Variants in CFAP418 observed in about 807,000 individuals in gnomAD.
CFAP418 encodes cilia and flagella associated protein 418, also known as cilia- and flagella-associated protein 418.
Under a neutral mutation model 24.7 loss-of-function variants are expected in CFAP418, and 27 were observed. The ratio of observed to expected loss-of-function variants is 1.09; its 90% CI spans 0.81 to 1.51. The LOEUF (loss-of-function observed/expected upper bound fraction) is 1.51, where lower values mean the gene tolerates loss of function less well. Among genes scored for constraint, CFAP418 ranks in the 40% most tolerant of loss-of-function variants. The pLI is 0.00. For missense variants in CFAP418, 257 were observed against 255.2 expected (o/e 1.01, Z -0.05); for synonymous variants, 74 against 87.3 (o/e 0.85, Z 0.85).
intron 1 of CFAP418, chr8:95,268,776 G>GGGGCGGGGAA (rs1554559653): frequency 1.7e-5 from 4 of 229,138 alleles, no homozygotes; most frequent in Admixed American, 1.2e-4. Flanking sequence ...GGGGCGGGGC[G>GGGGCGGGGAA]GGGCGGGGCG....
chr8:95,263,870 C>T, intron 1 of CFAP418, 96 bp from the exon 2 acceptor site: 3 of 668,188 alleles, frequency 4.5e-6, no homozygotes, highest in Non-Finnish European at 7.9e-6. Flanking sequence ...ATTATTAGAG[C>T]TGATAATAGA....
At chr8:95,254,921 ACTTT>A in intron 4 of CFAP418, among the ~76,000 whole-genome samples, 1 of 152,184 alleles carries the variant, frequency 6.6e-6, no homozygotes. Flanking sequence ...ATTCTTAACA[ACTTT>A]CTTTCTTACC....
At position 95,249,139 on chromosome 8, in the gene CFAP418, A is replaced by G. The variant is rs188508230; in HGVS notation, c.471-1369T>C. 1.2e-3 allele frequency among the ~76,000 whole-genome samples: 187 copies of G among 152,374 alleles called. 2 individuals are homozygous for G. In the Middle Eastern group the frequency reaches 0.014, roughly 11 times the overall value. On this transcript the variant is annotated intron_variant, in intron 5 of 5. Coordinates refer to ENST00000286688, the MANE Select transcript of CFAP418 (RefSeq NM_177965.4). ...GATCTGCAAAATATTTTGAAAACTT[A>G]ACATTTGATACTTGACTGAATCCTT...
At chr8:95,250,839 T>C (rs925010498) in intron 5 of CFAP418, among the ~76,000 whole-genome samples, 1 of 152,208 alleles carries the variant, frequency 6.6e-6, no homozygotes, top group East Asian at 1.9e-4. Context: ...AAAGCTTTCA[T>C]AAGATTTGCA....
At chr8:95,261,146 A>G (rs775429289) in intron 2 of CFAP418, among the ~76,000 whole-genome samples, 27 of 152,232 alleles carry the variant, frequency 1.8e-4, no homozygotes, top group Non-Finnish European at 3.5e-4. Flanking sequence ...ACCAAACAAC[A>G]TAAACCAACC....
chr8:95,266,392 C>A (rs894565767), intron 1 of CFAP418, among the ~76,000 whole-genome samples: 2 of 152,096 alleles, frequency 1.3e-5, no homozygotes, highest in African/African-American at 4.8e-5. Context: ...CAACAAATTG[C>A]ATGTTTTGAC....
At chr8:95,264,521 G>A (rs778460835) in intron 1 of CFAP418, among the ~76,000 whole-genome samples, 3 of 152,246 alleles carry the variant, frequency 2.0e-5, no homozygotes, top group Admixed American at 6.5e-5. Context: ...ATCTGTTCAA[G>A]GTCATATAAG....
chr8:95,253,684 T>C (rs149872918), intron 4 of CFAP418, among the ~76,000 whole-genome samples: 1 of 152,248 alleles, frequency 6.6e-6, no homozygotes, highest in African/African-American at 2.4e-5. Flanking sequence ...TTTCAAACTG[T>C]TAGCAATTTA....
chr8:95,257,523 C>T (rs1811811548), intron 4 of CFAP418, among the ~76,000 whole-genome samples: 2 of 152,180 alleles, frequency 1.3e-5, no homozygotes, highest in African/African-American at 4.8e-5. Flanking sequence ...TTAACTCCCA[C>T]TTCTATTATT....
chr8:95,254,572 T>C (rs1442820559), intron 4 of CFAP418, among the ~76,000 whole-genome samples: 1 of 152,238 alleles, frequency 6.6e-6, no homozygotes, highest in East Asian at 1.9e-4. Flanking sequence ...AAGAGCTTTG[T>C]TCTTTTGTCC....
At chr8:95,267,543 T>A (rs1389674304) in intron 1 of CFAP418, among the ~76,000 whole-genome samples, 1 of 152,094 alleles carries the variant, frequency 6.6e-6, no homozygotes, top group Non-Finnish European at 1.5e-5. Flanking sequence ...TGAGCTGAGG[T>A]GGGCCACTGC....
intron 1 of CFAP418, among the ~76,000 whole-genome samples, chr8:95,268,649 A>C (rs1379512401): frequency 6.6e-6 from 1 of 151,884 alleles, no homozygotes; most frequent in Non-Finnish European, 1.5e-5. Context: ...CTCGGGGTTA[A>C]GAACGGGGCG....
chr8:95,253,266 C>T (rs1811736750), intron 4 of CFAP418, among the ~76,000 whole-genome samples: 1 of 151,270 alleles, frequency 6.6e-6, no homozygotes, highest in Non-Finnish European at 1.5e-5. Context: ...GGGGAGATCG[C>T]GCCACTGCAC....
At chr8:95,268,743 G>C (rs1404036007) in intron 1 of CFAP418, 8 of 203,050 alleles carry the variant, frequency 3.9e-5, no homozygotes, top group African/African-American at 4.9e-5. Flanking sequence ...CGCGGACTGC[G>C]GGCTCTGCGG....
At chr8:95,258,140 TG>T (rs1197206451) in intron 4 of CFAP418, among the ~76,000 whole-genome samples, 1 of 152,030 alleles carries the variant, frequency 6.6e-6, no homozygotes, top group Non-Finnish European at 1.5e-5. Flanking sequence ...CCCAGCACCG[TG>T]GGAGGCCGAG....
At chr8:95,263,550 G>A (rs1218175569) in intron 2 of CFAP418, 137 bp downstream of exon 2, 6 of 539,214 alleles carry the variant, frequency 1.1e-5, no homozygotes, top group Non-Finnish European at 1.7e-5. Flanking sequence ...CTCTTTAAGT[G>A]TAATAATTTC....
chr8:95,252,552 T>C (rs764796955), intron 4 of CFAP418, among the ~76,000 whole-genome samples: 1 of 152,204 alleles, frequency 6.6e-6, no homozygotes, highest in Non-Finnish European at 1.5e-5. Context: ...TGAAAGAAAA[T>C]AGATTTGTAG....
chr8:95,269,066 G>C lies in CFAP418; in HGVS notation c.124C>G (p.Arg42Gly), dbSNP rs753974673. The change falls in exon 1 of 6, where the codon CGG (arginine) becomes GGG (glycine). Residue 42 changes from arginine (R) to glycine (G), a missense_variant. Arg to Gly is a moderately radical substitution (Grantham distance 125, BLOSUM62 -2). Transcript: ENST00000286688. ...GTCTCTTTCGCCTTGGCTTGGTTCC[G>C]GTCGCTACTGTGGGTGCCGCCGCCG... is the stretch of plus-strand genomic sequence containing the variant. Reference protein sequence around the residue: ...GCGGGTHSSDRNQAKAKETLR... With the variant: ...GCGGGTHSSDGNQAKAKETLR... 6.2e-7 allele frequency: 1 copy of C among 1,614,090 alleles called. No homozygotes were observed. The highest frequency in any genetic ancestry group is 8.5e-7 in the Non-Finnish European group (1 of 1,179,966).
At chr8:95,252,351 G>T in intron 4 of CFAP418, 68 bp from the exon 5 acceptor site, 3 of 1,009,350 alleles carry the variant, frequency 3.0e-6, no homozygotes, top group South Asian at 1.4e-5. Flanking sequence ...AAAACATGGT[G>T]ATTTATTTAT....
Sources: gnomAD v4.1 joint callset for allele counts (sites outside exome capture counted in the v4.1 genomes callset) on GRCh38, gnomAD v4.1.1 for gene constraint, MANE v1.5 for transcripts, NCBI Gene and HGNC (gene_info 2026-07-23, HGNC 2026-07-21) for gene names.